Variants in SUMF1 observed in about 807,000 individuals in gnomAD.
SUMF1 encodes the protein formylglycine-generating enzyme.
In SUMF1, 48 loss-of-function variants were observed where a neutral mutation model predicts 47.6. The observed-to-expected ratio is 1.01, with a 90% CI of 0.80 to 1.28. The LOEUF is 1.28. Among genes scored for constraint, SUMF1 ranks in the 50% most tolerant of loss-of-function variants. The probability of loss-of-function intolerance (pLI) is 0.00; values close to 1 mark genes in which losing one functional copy is unlikely to be tolerated. For synonymous variants in SUMF1, 230 were observed against 192.1 expected, an observed-to-expected ratio of 1.20 and a Z score of -1.63; for missense variants, 571 against 485.4, an observed-to-expected ratio of 1.18 and a Z score of -1.66.
chr3:4,431,586 C>A (rs1347943205), intron 3 of SUMF1, among the ~76,000 whole-genome samples: 1 of 152,162 alleles, frequency 6.6e-6, no homozygotes, highest in Admixed American at 6.5e-5. Flanking sequence ...GTCAGCATAT[C>A]CTCATTCTTC....
chr3:4,174,160 T>A (rs1327539733), intron 8 of SUMF1, among the ~76,000 whole-genome samples: 1 of 151,692 alleles, frequency 6.6e-6, no homozygotes, highest in African/African-American at 2.4e-5. Context: ...ATCGAGAGCA[T>A]CCTGGCTAAC....
At chr3:4,130,912 A>G (rs1266891208) in intron 8 of SUMF1, among the ~76,000 whole-genome samples, 2 of 152,126 alleles carry the variant, frequency 1.3e-5, no homozygotes, top group Non-Finnish European at 2.9e-5. Context: ...CATATGACCC[A>G]ACAGATCCAA....
chr3:4,288,818 T>A (rs936006913), intron 8 of SUMF1, among the ~76,000 whole-genome samples: 1 of 142,902 alleles, frequency 7.0e-6, no homozygotes, highest in Non-Finnish European at 1.5e-5. Flanking sequence ...AAAAAAAAAA[T>A]TGAACCTACA....
chr3:4,176,136 T>G (rs895906789), intron 8 of SUMF1, among the ~76,000 whole-genome samples: 2 of 152,110 alleles, frequency 1.3e-5, no homozygotes, highest in African/African-American at 4.8e-5. Flanking sequence ...CCAGGAGAAC[T>G]TTCCCAACCT....
At chr3:4,090,989 G>A in intron 8 of SUMF1, among the ~76,000 whole-genome samples, 1 of 151,770 alleles carries the variant, frequency 6.6e-6, no homozygotes, top group Non-Finnish European at 1.5e-5. Flanking sequence ...GCTGAGGCAG[G>A]AGAATCGCTT....
intron 8 of SUMF1, among the ~76,000 whole-genome samples, chr3:4,111,780 G>A (rs1693313378): frequency 6.6e-6 from 1 of 151,936 alleles, no homozygotes; most frequent in Admixed American, 6.6e-5. Flanking sequence ...AAATATGAAT[G>A]TGTTTACGTG....
intron 8 of SUMF1, among the ~76,000 whole-genome samples, chr3:4,102,996 C>G (rs1693072006): frequency 6.6e-6 from 1 of 151,312 alleles, no homozygotes; most frequent in South Asian, 2.1e-4. Flanking sequence ...AATCTCAGCT[C>G]ACTGCAACCT....
In SUMF1 at chr3:4,420,102, CCA is replaced by C. The variant is rs1262799846; in HGVS notation, c.562_563del (p.Trp188GlufsTer7). The stretch of plus-strand genomic sequence containing the variant: ...TAGAGTCAGGCCCTTCTGGGTGTCT[CCA>C]GTTAGCGCCTTTCACAGGTAACCAC... Reference protein sequence around the residue: ...PWWLPVKGANWRHPEGPDSTI... With the variant: ...PWWLPVKGANXRHPEGPDSTI... On this transcript the variant is annotated frameshift_variant, in exon 4 of 9. Coordinates refer to ENST00000272902, the MANE Select transcript of SUMF1 (RefSeq NM_182760.4). LOFTEE classifies it high-confidence loss of function. The C allele has an allele frequency of 6.2e-7, 1 of 1,614,150 alleles. No homozygotes were observed. Among genetic ancestry groups the C allele is most frequent in the South Asian group, 1.1e-5 (1 of 91,082 alleles).
chr3:4,066,308 A>T (rs1048838683), intron 9 of SUMF1, among the ~76,000 whole-genome samples: 2 of 152,142 alleles, frequency 1.3e-5, no homozygotes, highest in African/African-American at 4.8e-5. Flanking sequence ...GTTTTCATAA[A>T]ACGATCTTTT....
At chr3:4,219,996 G>C (rs575982230) in intron 8 of SUMF1, among the ~76,000 whole-genome samples, 8 of 152,152 alleles carry the variant, frequency 5.3e-5, no homozygotes, top group Non-Finnish European at 1.0e-4. Context: ...GCGTCTAGGA[G>C]AACTGTCTGA....
intron 8 of SUMF1, among the ~76,000 whole-genome samples, chr3:4,117,673 G>A (rs968130533): frequency 6.6e-6 from 1 of 151,988 alleles, no homozygotes; most frequent in Non-Finnish European, 1.5e-5. Flanking sequence ...CCTAATTCAG[G>A]TAAGAATTCC....
At chr3:4,184,741 C>T (rs144649943) in intron 8 of SUMF1, among the ~76,000 whole-genome samples, 232 of 147,748 alleles carry the variant, frequency 1.6e-3, no homozygotes, top group African/African-American at 5.3e-3. Flanking sequence ...CTCCGCCTCC[C>T]GGGTTCAAGC....
intron 8 of SUMF1, among the ~76,000 whole-genome samples, chr3:4,286,911 T>C (rs1413811705): frequency 1.3e-5 from 2 of 152,196 alleles, no homozygotes; most frequent in South Asian, 2.1e-4. Context: ...TTTTAGGTTA[T>C]TGTAAAACCA....
chr3:4,201,717 A>C (rs1695544064), intron 8 of SUMF1, among the ~76,000 whole-genome samples: 1 of 152,106 alleles, frequency 6.6e-6, no homozygotes, highest in Admixed American at 6.6e-5. Flanking sequence ...AGGAACTTCC[A>C]TACTGTTTTT....
chr3:4,050,890 T>C (rs975727378), intron 9 of SUMF1, among the ~76,000 whole-genome samples: 5 of 151,552 alleles, frequency 3.3e-5, no homozygotes, highest in African/African-American at 9.7e-5. Flanking sequence ...AGAAACATAA[T>C]CTTCAAATCC....
chr3:4,272,279 G>C (rs536497932), intron 8 of SUMF1, among the ~76,000 whole-genome samples: 1 of 152,166 alleles, frequency 6.6e-6, no homozygotes, highest in Non-Finnish European at 1.5e-5. Context: ...TTTCTCTGGC[G>C]GACTGGAGGA....
chr3:4,235,617 T>C (rs150601900), intron 8 of SUMF1, among the ~76,000 whole-genome samples: 3 of 152,112 alleles, frequency 2.0e-5, no homozygotes, highest in African/African-American at 4.8e-5. Context: ...AGATATATCA[T>C]AAAACCAAAT....
At chr3:4,232,242 C>A (rs954593331) in intron 8 of SUMF1, among the ~76,000 whole-genome samples, 1 of 152,066 alleles carries the variant, frequency 6.6e-6, no homozygotes, top group African/African-American at 2.4e-5. Context: ...ATGCAGCAAC[C>A]AAGGAACTCC....
intron 7 of SUMF1, among the ~76,000 whole-genome samples, chr3:4,381,404 G>T (rs969459511): frequency 6.6e-6 from 1 of 151,890 alleles, no homozygotes; most frequent in Non-Finnish European, 1.5e-5. Context: ...CTCGGGTGGG[G>T]GTGCACCAAA....
Sources: allele counts gnomAD v4.1 joint callset (sites outside exome capture counted in the v4.1 genomes callset), GRCh38; gene constraint gnomAD v4.1.1; transcripts MANE v1.5; gene names NCBI Gene and HGNC (gene_info 2026-07-23, HGNC 2026-07-21).